YAP1: variants seen among roughly 807,000 people sequenced by gnomAD.
YAP1 encodes Yes1 associated transcriptional regulator.
A neutral mutation model predicts 56.9 loss-of-function variants in YAP1; 5 were observed. The ratio of observed to expected loss-of-function variants is 0.09; its 90% CI spans 0.05 to 0.18. The LOEUF is 0.18. Ranked by LOEUF, YAP1 falls within the 10% of genes least tolerant of loss-of-function variation. The pLI is 1.00. For synonymous variants in YAP1, 265 were observed against 248.1 expected, an observed-to-expected ratio of 1.07 and a Z score of -0.64; for missense variants, 539 against 651.8, an observed-to-expected ratio of 0.83 and a Z score of 1.88.
chr11:102,223,348 T>C (rs1371532115), intron 6 of YAP1, among the ~76,000 whole-genome samples: 2 of 149,290 alleles, frequency 1.3e-5, no homozygotes, highest in Non-Finnish European at 3.0e-5. Flanking sequence ...TCTTCCAGAG[T>C]AAGGAAAATA....
chr11:102,191,068 G>A (rs1948252736), intron 4 of YAP1, among the ~76,000 whole-genome samples: 1 of 152,026 alleles, frequency 6.6e-6, no homozygotes, highest in African/African-American at 2.4e-5. Context: ...AACTACTCAG[G>A]AGGCTGAGGC....
chr11:102,226,002 T>C (rs1950175040), intron 7 of YAP1, among the ~76,000 whole-genome samples: 2 of 152,238 alleles, frequency 1.3e-5, no homozygotes, highest in South Asian at 2.1e-4. Context: ...TCCTCAGGAA[T>C]GCCCATGTGC....
At position 102,114,237 on chromosome 11, in the gene YAP1, C is replaced by T; in HGVS notation, c.415C>T (p.Pro139Ser). 2.5e-6 allele frequency: 4 copies of T among 1,614,102 alleles called. No individual in the cohort carries two copies. Among genetic ancestry groups the T allele is most frequent in the Non-Finnish European group, 3.4e-6 (4 of 1,179,964 alleles). The stretch of plus-strand genomic sequence containing the variant: ...TTCTCTGCAGTTGGGAGCTGTTTCT[C>T]CTGGGACACTGACCCCCACTGGAGT... ...PASLQLGAVS[P>S]GTLTPTGVVS... Residue 139 changes from proline (P) to serine (S), a missense_variant, in exon 2 of 9, where the codon CCT becomes TCT. Around this residue, in one of 4 missense-constraint regions of YAP1, gnomAD observed 414 missense variants for 512.4 expected, o/e 0.81. Coordinates refer to ENST00000282441, the MANE Select transcript of YAP1 (RefSeq NM_001130145.3).
At chr11:102,180,681 C>CA (rs58820066) in intron 3 of YAP1, among the ~76,000 whole-genome samples, 2,996 of 41,942 alleles carry the variant, frequency 0.071, 151 homozygotes, top group East Asian at 0.25. Context: ...GACTCCATCT[C>CA]AAAAAAAAAA....
At chr11:102,207,516 A>ACT (rs1415557092) in intron 5 of YAP1, among the ~76,000 whole-genome samples, 1 of 149,882 alleles carries the variant, frequency 6.7e-6, no homozygotes, top group Non-Finnish European at 1.5e-5. Flanking sequence ...ACATGGCGAG[A>ACT]CTCTGTCTCT....
chr11:102,174,524 G>A (rs1337839495), intron 3 of YAP1, among the ~76,000 whole-genome samples: 2 of 151,878 alleles, frequency 1.3e-5, no homozygotes, highest in Non-Finnish European at 2.9e-5. Context: ...AGTGAGCTGA[G>A]ATTGTGCCGA....
chr11:102,124,617 CTG>C (rs547707997), intron 2 of YAP1, among the ~76,000 whole-genome samples: 1 of 152,114 alleles, frequency 6.6e-6, no homozygotes, highest in Non-Finnish European at 1.5e-5. Flanking sequence ...GTCAGGATAA[CTG>C]TTTTAATTTT....
Position 102,133,445 on chromosome 11 carries a change from T to C in YAP1, c.572+19051T>C, listed in dbSNP as rs570911972. 3.3e-5 allele frequency among the ~76,000 whole-genome samples: 5 copies of C among 152,068 alleles called. No homozygotes were observed. The South Asian group carries it at 1.0e-3, about 32-fold the overall frequency. On this transcript the variant is annotated intron_variant, in intron 2 of 8. Coordinates refer to ENST00000282441, the MANE Select transcript of YAP1 (RefSeq NM_001130145.3). The stretch of plus-strand genomic sequence containing the variant: ...CGAGTAGCTGGGACTACAGGCACGT[T>C]GCTACCATGCTCGGCTAATTTTTGT...
At chr11:102,138,502 A>G (rs1944815205) in intron 2 of YAP1, among the ~76,000 whole-genome samples, 2 of 152,152 alleles carry the variant, frequency 1.3e-5, no homozygotes, top group Non-Finnish European at 2.9e-5. Context: ...GGGAAGGTGG[A>G]AGCTTTAAGG....
At position 102,206,076 on chromosome 11, in the gene YAP1, T is replaced by C; in HGVS notation, c.984+2T>C. On this transcript the variant is annotated splice_donor_variant, in intron 5 of 8. Transcript: ENST00000282441. LOFTEE classifies it high-confidence loss of function. ...AAACAGCAAGAACTGCTTCGGCAGG[T>C]GAGGCCACAGGTTAGAAACCAGCCT... 5 of 1,612,818 alleles carry C rather than the reference T, an allele frequency of 3.1e-6. No individual in the cohort carries two copies. The highest frequency in any genetic ancestry group is 4.2e-6 in the Non-Finnish European group (5 of 1,179,086).
chr11:102,191,580 A>G (rs1387854565), intron 4 of YAP1, among the ~76,000 whole-genome samples: 1 of 152,200 alleles, frequency 6.6e-6, no homozygotes, highest in Non-Finnish European at 1.5e-5. Flanking sequence ...TTTGAGAGGG[A>G]GAAAAATAGT....
intron 3 of YAP1, among the ~76,000 whole-genome samples, chr11:102,164,119 C>G (rs1406402957): frequency 6.6e-6 from 1 of 151,590 alleles, no homozygotes; most frequent in African/African-American, 2.4e-5. Flanking sequence ...CTCACTGCAA[C>G]CTCTGCCTCC....
intron 2 of YAP1, among the ~76,000 whole-genome samples, chr11:102,135,218 T>G (rs1433014332): frequency 6.6e-6 from 1 of 152,166 alleles, no homozygotes; most frequent in Non-Finnish European, 1.5e-5. Flanking sequence ...GCTGGATTAT[T>G]TTTTAGTTTT....
At chr11:102,115,608 T>A (rs888523362) in intron 2 of YAP1, among the ~76,000 whole-genome samples, 49 of 151,822 alleles carry the variant, frequency 3.2e-4, no homozygotes, top group East Asian at 7.7e-4. Context: ...TCTTTTTTTT[T>A]AAAAAAATTC....
intron 4 of YAP1, among the ~76,000 whole-genome samples, chr11:102,196,509 T>A (rs918175999): frequency 6.6e-6 from 1 of 152,124 alleles, no homozygotes; most frequent in African/African-American, 2.4e-5. Context: ...ATGTCCAGAA[T>A]GGGAAAATTC....
chr11:102,180,114 A>C (rs1195971524), intron 3 of YAP1, among the ~76,000 whole-genome samples: 2 of 147,902 alleles, frequency 1.4e-5, no homozygotes, highest in African/African-American at 5.0e-5. Flanking sequence ...GGTACGAGAG[A>C]TTCTCCTGCC....
intron 6 of YAP1, among the ~76,000 whole-genome samples, chr11:102,216,477 A>G (rs1369934919): frequency 6.6e-6 from 1 of 152,228 alleles, no homozygotes; most frequent in Non-Finnish European, 1.5e-5. Flanking sequence ...GTGTTAAAAA[A>G]TGCCAATTAT....
At chr11:102,199,976 T>C (rs1591396511) in intron 4 of YAP1, among the ~76,000 whole-genome samples, 1 of 152,192 alleles carries the variant, frequency 6.6e-6, no homozygotes, top group African/African-American at 2.4e-5. Context: ...TTTAAACTTA[T>C]AATAAAAAAG....
At chr11:102,209,029 T>G (rs1204112800) in intron 5 of YAP1, among the ~76,000 whole-genome samples, 1 of 152,226 alleles carries the variant, frequency 6.6e-6, no homozygotes, top group Non-Finnish European at 1.5e-5. Flanking sequence ...TTGTTTCATC[T>G]TTACTGCCTA....
Sources: allele counts gnomAD v4.1 joint callset (sites outside exome capture counted in the v4.1 genomes callset), GRCh38; gene constraint gnomAD v4.1.1; regional missense constraint gnomAD v4.1.1; transcripts MANE v1.5; gene names NCBI Gene and HGNC (gene_info 2026-07-23, HGNC 2026-07-21).